Variants in CCBE1 observed in about 807,000 individuals in gnomAD.
CCBE1 encodes the protein collagen and calcium-binding EGF domain-containing protein 1.
CCBE1 carries 37 observed loss-of-function variants against 50.0 expected under a neutral mutation model. That is an observed-to-expected ratio of 0.74 (90% confidence interval 0.57 to 0.97). The LOEUF (loss-of-function observed/expected upper bound fraction) is 0.97, where lower values mean the gene tolerates loss of function less well. CCBE1 is among the 50% of genes least tolerant of loss of function. CCBE1 has a pLI of 0.00. For synonymous variants in CCBE1, 234 were observed against 203.7 expected (o/e 1.15, Z -1.27); for missense variants, 538 against 523.8 (o/e 1.03, Z -0.26).
intron 2 of CCBE1, among the ~76,000 whole-genome samples, chr18:59,515,414 C>T (rs1557406): frequency 6.6e-6 from 1 of 152,036 alleles, no homozygotes; most frequent in Non-Finnish European, 1.5e-5. Context: ...GCATGGCCTT[C>T]AGCTGCAATG....
intron 2 of CCBE1, among the ~76,000 whole-genome samples, chr18:59,618,056 A>G (rs2053660120): frequency 6.6e-6 from 1 of 152,206 alleles, no homozygotes; most frequent in South Asian, 2.1e-4. Context: ...AAGATAATCA[A>G]TTTTGAACTA....
At chr18:59,682,492 G>A (rs1359596060) in intron 2 of CCBE1, among the ~76,000 whole-genome samples, 1 of 151,864 alleles carries the variant, frequency 6.6e-6, no homozygotes, top group Non-Finnish European at 1.5e-5. Flanking sequence ...TGACTATACT[G>A]AAACAGAGAC....
intron 2 of CCBE1, among the ~76,000 whole-genome samples, chr18:59,581,770 TCCTGGTATCCA>T (rs2053087326): frequency 6.6e-6 from 1 of 152,182 alleles, no homozygotes. Context: ...TTAGCAGCAT[TCCTGGTATCCA>T]CCTACTAAAT....
chr18:59,545,390 G>A (rs1915641544), intron 2 of CCBE1, among the ~76,000 whole-genome samples: 1 of 152,098 alleles, frequency 6.6e-6, no homozygotes, highest in South Asian at 2.1e-4. Context: ...CTATATCGGT[G>A]TGAGCACCCA....
chr18:59,474,130 A>G (rs963825720), intron 3 of CCBE1, among the ~76,000 whole-genome samples: 1 of 152,076 alleles, frequency 6.6e-6, no homozygotes, highest in South Asian at 2.1e-4. Flanking sequence ...TCTTTATCCA[A>G]TCCACTACTA....
chr18:59,493,511 G>A (rs536337198), intron 2 of CCBE1, among the ~76,000 whole-genome samples: 2 of 151,624 alleles, frequency 1.3e-5, no homozygotes, highest in South Asian at 2.1e-4. Context: ...ACCAAGATAA[G>A]CATTTTCCAT....
At chr18:59,560,345 G>T (rs913109582) in intron 2 of CCBE1, among the ~76,000 whole-genome samples, 2 of 152,142 alleles carry the variant, frequency 1.3e-5, no homozygotes, top group African/African-American at 4.8e-5. Flanking sequence ...AAACTAACAC[G>T]GGAACAGGAA....
At chr18:59,569,219 G>A (rs2052871838) in intron 2 of CCBE1, among the ~76,000 whole-genome samples, 1 of 152,174 alleles carries the variant, frequency 6.6e-6, no homozygotes, top group Non-Finnish European at 1.5e-5. Context: ...GTTGGCTGTG[G>A]TTCATTAAGA....
At chr18:59,521,437 TTC>T (rs1018475210) in intron 2 of CCBE1, among the ~76,000 whole-genome samples, 3 of 152,212 alleles carry the variant, frequency 2.0e-5, no homozygotes, top group South Asian at 2.1e-4. Context: ...TTGTTTTTTT[TTC>T]TTTCTTCAGG....
chr18:59,518,587 G>A (rs933933695), intron 2 of CCBE1, among the ~76,000 whole-genome samples: 2 of 152,154 alleles, frequency 1.3e-5, no homozygotes, highest in Admixed American at 6.5e-5. Context: ...CTAATCAGTG[G>A]GCAGATCAGG....
chr18:59,679,560 C>T (rs1377220170), intron 2 of CCBE1, among the ~76,000 whole-genome samples: 1 of 152,176 alleles, frequency 6.6e-6, no homozygotes, highest in East Asian at 1.9e-4. Flanking sequence ...TCTCCATTGG[C>T]ATATCTGAAA....
At chr18:59,516,602 T>C (rs1037140505) in intron 2 of CCBE1, among the ~76,000 whole-genome samples, 8 of 152,244 alleles carry the variant, frequency 5.3e-5, no homozygotes, top group Admixed American at 4.6e-4. Context: ...GTTTACCTCC[T>C]GTTATGACTC....
intron 2 of CCBE1, among the ~76,000 whole-genome samples, chr18:59,637,176 T>A (rs1176904682): frequency 6.6e-6 from 1 of 152,220 alleles, no homozygotes; most frequent in Admixed American, 6.5e-5. Flanking sequence ...ATACAAACAA[T>A]TATAAATCAA....
chr18:59,635,079 A>G (rs1017233375), intron 2 of CCBE1, among the ~76,000 whole-genome samples: 1 of 152,248 alleles, frequency 6.6e-6, no homozygotes, highest in Non-Finnish European at 1.5e-5. Flanking sequence ...CCTAGATATA[A>G]GCAAAGTAAA....
In CCBE1 at chr18:59,446,496, G is replaced by A. The variant is rs900489002; in HGVS notation, c.775+1487C>T. ...ATGACCCGGAGTACCTCAGGCCAAG[G>A]GAATGAACGAGGATAAGCCAAATCC... On this transcript the variant is annotated intron_variant, in intron 7 of 10. Transcript: ENST00000439986. 3.9e-5 allele frequency among the ~76,000 whole-genome samples: 6 copies of A among 152,288 alleles called. No homozygotes were observed. In the East Asian group the frequency reaches 1.2e-3, roughly 29 times the overall value.
intron 7 of CCBE1, among the ~76,000 whole-genome samples, chr18:59,444,300 T>C: frequency 6.6e-6 from 1 of 151,104 alleles, no homozygotes; most frequent in Non-Finnish European, 1.5e-5. Context: ...CATTTCTGGA[T>C]CTCATTCATA....
chr18:59,660,197 T>G (rs915326662), intron 2 of CCBE1, among the ~76,000 whole-genome samples: 1 of 152,168 alleles, frequency 6.6e-6, no homozygotes, highest in East Asian at 1.9e-4. Flanking sequence ...TTTTCCCAGT[T>G]GAAAAATAAA....
intron 2 of CCBE1, among the ~76,000 whole-genome samples, chr18:59,579,161 G>A (rs1261066860): frequency 5.3e-5 from 8 of 151,980 alleles, no homozygotes; most frequent in Non-Finnish European, 1.2e-4. Context: ...AGCCTTGACA[G>A]GTGAGTTATC....
rs537510947 is a variant in CCBE1, at chr18:59,435,641, A to G, written c.*267T>C. The G allele has an allele frequency of 2.6e-5, 13 of 507,276 alleles. No homozygotes were observed. In the East Asian group the frequency reaches 4.5e-4, roughly 18 times the overall value. 31.4% of individuals were successfully genotyped at this position (507,276 alleles called of 1,614,324 possible). On this transcript the variant is annotated 3_prime_UTR_variant, in exon 11 of 11. Coordinates refer to ENST00000439986, the MANE Select transcript of CCBE1 (RefSeq NM_133459.4). ...CAAAGTTCCTGGAAAAATAGGATGT[A>G]AAAGAAAAGTTACAATGCAAACCAC...
Sources: gnomAD v4.1 joint callset for allele counts (sites outside exome capture counted in the v4.1 genomes callset) on GRCh38, gnomAD v4.1.1 for gene constraint, MANE v1.5 for transcripts, NCBI Gene and HGNC (gene_info 2026-07-23, HGNC 2026-07-21) for gene names.